KATNBL1: variants seen among roughly 807,000 people sequenced by gnomAD.
The protein encoded by KATNBL1 is katanin regulatory subunit B1 like 1.
In KATNBL1, 28 loss-of-function variants were observed where a neutral mutation model predicts 44.7. The observed-to-expected ratio is 0.63, with a 90% CI of 0.46 to 0.86. The LOEUF is 0.86. Ranked by LOEUF, KATNBL1 falls within the 40% of genes least tolerant of loss-of-function variation. The pLI is 0.00. For missense variants in KATNBL1, 272 were observed against 350.7 expected, an observed-to-expected ratio of 0.78 and a Z score of 1.79; for synonymous variants, 78 against 114.9, an observed-to-expected ratio of 0.68 and a Z score of 2.06.
intron 2 of KATNBL1, among the ~76,000 whole-genome samples, chr15:34,159,095 T>C (rs1404308264): frequency 1.3e-5 from 2 of 152,384 alleles, no homozygotes; most frequent in Non-Finnish European, 1.5e-5. Flanking sequence ...TGATTAAGGA[T>C]AGTTTTGACT....
chr15:34,172,714 A>T (rs1394040448), intron 1 of KATNBL1, among the ~76,000 whole-genome samples: 1 of 151,634 alleles, frequency 6.6e-6, no homozygotes, highest in Non-Finnish European at 1.5e-5. Context: ...AATTCTGACT[A>T]ATCTTGTAAC....
rs868563561 is a variant in KATNBL1, at chr15:34,181,870, C to T, written c.-14-18180G>A. 9.6e-4 allele frequency among the ~76,000 whole-genome samples: 70 copies of T among 73,072 alleles called. 9 individuals are homozygous for T. Among genetic ancestry groups the T allele is most frequent in the South Asian group, 2.5e-3 (5 of 2,000 alleles). 47.9% of individuals were successfully genotyped at this position (73,072 alleles called of 152,430 possible). On this transcript the variant is annotated intron_variant, in intron 1 of 9. Coordinates refer to ENST00000256544, the MANE Select transcript of KATNBL1 (RefSeq NM_024713.3). ...TATATATAGTCCATATATATATATCCATATATATATATATATATGGATGGG... is the reference window on the plus strand; with the variant it reads ...TATATATAGTCCATATATATATATCTATATATATATATATATATGGATGGG...
chr15:34,192,599 G>A (rs1334815067), intron 1 of KATNBL1, among the ~76,000 whole-genome samples: 2 of 152,022 alleles, frequency 1.3e-5, no homozygotes, highest in African/African-American at 2.4e-5. Context: ...ATACGAAATC[G>A]ACTTTGTTTC....
intron 5 of KATNBL1, among the ~76,000 whole-genome samples, chr15:34,147,997 A>G (rs908700620): frequency 3.2e-4 from 49 of 152,078 alleles, no homozygotes; most frequent in African/African-American, 1.1e-3. Context: ...TGGGACCACA[A>G]GCACGTACCA....
intron 7 of KATNBL1, 104 bp from the exon 8 acceptor site, chr15:34,146,954 C>T (rs1387780387): frequency 8.1e-6 from 6 of 737,604 alleles, no homozygotes; most frequent in Admixed American, 2.6e-5. Context: ...ACATTGGTCC[C>T]TTCCCTTTTA....
intron 9 of KATNBL1, chr15:34,142,664 T>C: frequency 3.1e-6 from 1 of 323,280 alleles, no homozygotes; most frequent in Non-Finnish European, 5.7e-6. Flanking sequence ...TGCTGTTTAC[T>C]ATCAGTGCTA....
chr15:34,185,765 C>T (rs2140976432), intron 1 of KATNBL1, among the ~76,000 whole-genome samples: 1 of 152,166 alleles, frequency 6.6e-6, no homozygotes, highest in Non-Finnish European at 1.5e-5. Context: ...GTTTATATAG[C>T]AGGGAAGAAA....
chr15:34,169,720 A>G (rs571605181), intron 1 of KATNBL1, among the ~76,000 whole-genome samples: 1 of 152,226 alleles, frequency 6.6e-6, no homozygotes, highest in East Asian at 1.9e-4. Flanking sequence ...ATCCAGCAGC[A>G]CATCAAAACC....
chr15:34,179,051 A>T (rs531676926), intron 1 of KATNBL1, among the ~76,000 whole-genome samples: 1 of 152,362 alleles, frequency 6.6e-6, no homozygotes, highest in East Asian at 1.9e-4. Context: ...AATATTAAAA[A>T]GACTATTTTC....
At chr15:34,170,456 G>T (rs1202587209) in intron 1 of KATNBL1, among the ~76,000 whole-genome samples, 2 of 152,132 alleles carry the variant, frequency 1.3e-5, no homozygotes, top group Non-Finnish European at 2.9e-5. Flanking sequence ...ACAAATGGAA[G>T]AACATTCCAT....
At chr15:34,193,006 A>G (rs1889920367) in intron 1 of KATNBL1, among the ~76,000 whole-genome samples, 1 of 148,272 alleles carries the variant, frequency 6.7e-6, no homozygotes, top group Non-Finnish European at 1.5e-5. Context: ...TCATGAGGTC[A>G]GGAGATCGAG....
chr15:34,175,241 C>CT (rs797007503), intron 1 of KATNBL1, among the ~76,000 whole-genome samples: 8 of 151,692 alleles, frequency 5.3e-5, no homozygotes, highest in African/African-American at 1.9e-4. Context: ...TGTTTTGGAT[C>CT]TTTTATTTTT....
In KATNBL1 at chr15:34,168,907, C is replaced by T. The variant is rs140155320; in HGVS notation, c.-14-5217G>A. Among the ~76,000 whole-genome samples the T allele has an allele frequency of 3.6e-3, 544 of 152,242 alleles. 7 individuals carry two copies. The highest frequency in any genetic ancestry group is 0.012 in the African/African-American group (488 of 41,532). ...GAAACCAATGAGAACAAAGACACAA[C>T]GAACCAGAATCTCTGGGACACATTT... On this transcript the variant is annotated intron_variant, in intron 1 of 9. Coordinates refer to ENST00000256544, the MANE Select transcript of KATNBL1 (RefSeq NM_024713.3).
At chr15:34,151,436 C>CTTTTTTTTTTTT (rs58824450) in intron 4 of KATNBL1, among the ~76,000 whole-genome samples, 1 of 60,678 alleles carries the variant, frequency 1.6e-5, no homozygotes, top group Non-Finnish European at 2.9e-5. Flanking sequence ...CCTTTGCCTA[C>CTTTTTTTTTTTT]TTTTTTTTTT....
chr15:34,191,186 T>TATATA (rs1420428369), intron 1 of KATNBL1, among the ~76,000 whole-genome samples: 20 of 131,104 alleles, frequency 1.5e-4, no homozygotes, highest in Non-Finnish European at 3.1e-4. Context: ...TATATATATA[T>TATATA]ATTTGGTAGG....
chr15:34,166,359 T>G (rs903447672), intron 1 of KATNBL1, among the ~76,000 whole-genome samples: 1 of 152,226 alleles, frequency 6.6e-6, no homozygotes, highest in African/African-American at 2.4e-5. Flanking sequence ...GAGATAGACC[T>G]GCGAAGCAGC....
rs141363358 is a variant in KATNBL1 at position 34,194,131 on chromosome 15, G to A, written c.-15+15820C>T. On this transcript the variant is annotated intron_variant, in intron 1 of 9. Transcript: ENST00000256544. ...TTATTTTTGTATTTTTAGTAGAGACGGGGTTTCTCCATATTGGCCAGGCTG... is the reference window on the plus strand; with the variant it reads ...TTATTTTTGTATTTTTAGTAGAGACAGGGTTTCTCCATATTGGCCAGGCTG... Among the ~76,000 whole-genome samples the A allele has an allele frequency of 3.9e-3, 592 of 152,080 alleles. 4 individuals are homozygous for A. Among genetic ancestry groups the A allele is most frequent in the Admixed American group, 0.028 (423 of 15,268 alleles).
rs191025306 is a variant in KATNBL1, at chr15:34,167,130, C to T, written c.-14-3440G>A. Among the ~76,000 whole-genome samples, 17 of 152,212 alleles carry T rather than the reference C, an allele frequency of 1.1e-4. No homozygotes were observed. The South Asian group carries it at 2.5e-3, about 22-fold the overall frequency. ...TTGACAGAATTAGGCTTCAGAAGGT[C>T]GGTAATAACAAACTTCTCCAAGCTA... On this transcript the variant is annotated intron_variant, in intron 1 of 9. Transcript: ENST00000256544.
chr15:34,178,554 G>A (rs1056956796), intron 1 of KATNBL1, among the ~76,000 whole-genome samples: 11 of 152,052 alleles, frequency 7.2e-5, no homozygotes, highest in Non-Finnish European at 1.0e-4. Flanking sequence ...TCAGGAGATC[G>A]AGACCATCCT....
Sources: allele counts gnomAD v4.1 joint callset (sites outside exome capture counted in the v4.1 genomes callset), GRCh38; gene constraint gnomAD v4.1.1; transcripts MANE v1.5; gene names NCBI Gene and HGNC (gene_info 2026-07-23, HGNC 2026-07-21).